The following PCDHA9 variants were observed in gnomAD, a reference collection of about 807,000 sequenced individuals.
The protein encoded by PCDHA9 is protocadherin alpha-9.
In PCDHA9, 62 loss-of-function variants were observed where a neutral mutation model predicts 62.0. The observed-to-expected ratio is 1.00, with a 90% CI of 0.81 to 1.23. The LOEUF (loss-of-function observed/expected upper bound fraction) is 1.23, where lower values mean the gene tolerates loss of function less well. PCDHA9 is among the 50% of genes most tolerant of loss of function. PCDHA9 has a pLI of 0.00. For synonymous variants in PCDHA9, 557 were observed against 567.6 expected (o/e 0.98, Z 0.27); for missense variants, 1,205 against 1,249.8 (o/e 0.96, Z 0.54).
At chr5:140,966,360 A>T (rs1169207709) in intron 1 of PCDHA9, 1 of 400,440 alleles carries the variant, frequency 2.5e-6, no homozygotes, top group Non-Finnish European at 4.4e-6. Flanking sequence ...ATGGGGCTGG[A>T]GAGGCTGAGC....
At chr5:140,906,589 C>T (rs2072764004) in intron 1 of PCDHA9, among the ~76,000 whole-genome samples, 1 of 152,220 alleles carries the variant, frequency 6.6e-6, no homozygotes, top group South Asian at 2.1e-4. Context: ...TGACTACCTT[C>T]CTCTACTACT....
At chr5:140,952,479 A>C (rs246034) in intron 1 of PCDHA9, among the ~76,000 whole-genome samples, 85,668 of 152,018 alleles carry the variant, frequency 0.56, 24,767 homozygotes, top group African/African-American at 0.69. Flanking sequence ...GGAAAGTGAC[A>C]TTTGCTCCAG....
chr5:140,966,924 C>T (rs1554228895), intron 1 of PCDHA9: 2 of 1,602,624 alleles, frequency 1.2e-6, no homozygotes, highest in Admixed American at 1.7e-5. Context: ...GAGGAGCAGG[C>T]ACCCGGCGCG....
At chr5:140,964,998 G>C (rs2095868277) in intron 1 of PCDHA9, among the ~76,000 whole-genome samples, 1 of 152,166 alleles carries the variant, frequency 6.6e-6, no homozygotes, top group Admixed American at 6.5e-5. Flanking sequence ...TTTGAATTCT[G>C]GGTGTCAGGA....
At chr5:140,947,374 T>C (rs1252253428) in intron 1 of PCDHA9, among the ~76,000 whole-genome samples, 7 of 151,768 alleles carry the variant, frequency 4.6e-5, no homozygotes, top group Admixed American at 4.6e-4. Context: ...TTGATCTATA[T>C]GTTTATCCTT....
intron 1 of PCDHA9, among the ~76,000 whole-genome samples, chr5:140,901,191 C>A (rs2153472732): frequency 6.6e-6 from 1 of 152,084 alleles, no homozygotes; most frequent in Non-Finnish European, 1.5e-5. Context: ...GTTTGCTTTT[C>A]TGTGCAGAAG....
In PCDHA9 at chr5:140,882,516, T is replaced by C. The variant is rs782263799; in HGVS notation, c.2394+31627T>C. ...CTGGAGGTAAATCTGCAGAATGGCA[T>C]TTTGTTTGTGAATTCTCGGATCGAC... is the stretch of plus-strand genomic sequence containing the variant. On this transcript the variant is annotated intron_variant, in intron 1 of 3. Coordinates refer to ENST00000532602, the MANE Select transcript of PCDHA9 (RefSeq NM_031857.2). 1.4e-5 allele frequency: 22 copies of C among 1,614,068 alleles called. No individual in the cohort carries two copies. The highest frequency in any genetic ancestry group is 4.0e-5 in the African/African-American group (3 of 74,944).
At chr5:140,927,893 A>G (rs1554205201) in intron 1 of PCDHA9, 1 of 1,614,050 alleles carries the variant, frequency 6.2e-7, no homozygotes, top group Non-Finnish European at 8.5e-7. Flanking sequence ...ACTGACGTGA[A>G]CGATCATGCC....
intron 1 of PCDHA9, chr5:140,969,314 G>T (rs200006206): frequency 6.2e-7 from 1 of 1,614,150 alleles, no homozygotes; most frequent in African/African-American, 1.3e-5. Context: ...CAAAAATGAG[G>T]CTGTTTCTCA....
In PCDHA9 at chr5:141,009,945, A is replaced by C. The variant is rs2098415489; in HGVS notation, c.*8A>C. 5.0e-6 allele frequency: 8 copies of C among 1,596,112 alleles called. No homozygotes were observed. The highest frequency in any genetic ancestry group is 6.8e-6 in the Non-Finnish European group (8 of 1,173,736). On this transcript the variant is annotated 3_prime_UTR_variant, in exon 4 of 4. Coordinates refer to ENST00000532602, the MANE Select transcript of PCDHA9 (RefSeq NM_031857.2). ...GACAACAGTGACCAGTGAGGTCCTCAAATGGAAACAAGCCACTTAGCCAGT... is the reference window on the plus strand; with the variant it reads ...GACAACAGTGACCAGTGAGGTCCTCCAATGGAAACAAGCCACTTAGCCAGT...
chr5:140,918,445 A>G (rs2078702084), intron 1 of PCDHA9, among the ~76,000 whole-genome samples: 1 of 152,144 alleles, frequency 6.6e-6, no homozygotes, highest in African/African-American at 2.4e-5. Context: ...GAGTGGTGAC[A>G]GTGGGCATCC....
At chr5:140,863,771 G>A (rs557463364) in intron 1 of PCDHA9, 111 of 240,518 alleles carry the variant, frequency 4.6e-4, no homozygotes, top group Non-Finnish European at 7.8e-4. Context: ...AGCCGAGGCG[G>A]GCGGATCACT....
At chr5:140,958,104 T>C (rs1554223331) in intron 1 of PCDHA9, among the ~76,000 whole-genome samples, 1 of 151,916 alleles carries the variant, frequency 6.6e-6, no homozygotes, top group Admixed American at 6.6e-5. Flanking sequence ...GTGTGTAGAG[T>C]GTGGTTCCAT....
intron 1 of PCDHA9, among the ~76,000 whole-genome samples, chr5:140,923,894 G>A (rs2081566819): frequency 6.6e-6 from 1 of 152,186 alleles, no homozygotes; most frequent in African/African-American, 2.4e-5. Flanking sequence ...AAGAGGAGGA[G>A]TTTCTGTGAA....
chr5:140,999,528 T>A (rs1414595805), intron 3 of PCDHA9, among the ~76,000 whole-genome samples: 1 of 152,080 alleles, frequency 6.6e-6, no homozygotes, highest in Non-Finnish European at 1.5e-5. Context: ...TGTTACCCCC[T>A]GGATATGACA....
chr5:140,869,082 T>C (rs1554162459), intron 1 of PCDHA9: 1 of 1,582,446 alleles, frequency 6.3e-7, no homozygotes, highest in East Asian at 2.2e-5. Flanking sequence ...GAAGCTTATT[T>C]TGGAAGCCAA....
At chr5:140,868,256 T>TGG (rs2050360583) in intron 1 of PCDHA9, 1 of 152,126 alleles carries the variant, frequency 6.6e-6, no homozygotes, top group Non-Finnish European at 1.5e-5. Context: ...TTTTCCTTTG[T>TGG]GGATTCTTTT....
At chr5:140,972,091 C>G (rs1169233514) in intron 1 of PCDHA9, among the ~76,000 whole-genome samples, 3 of 152,164 alleles carry the variant, frequency 2.0e-5, no homozygotes, top group African/African-American at 4.8e-5. Context: ...AGAGTAATTT[C>G]TGGCATAGAA....
rs538677309 is a variant in PCDHA9, at chr5:140,927,177, G to T, written c.2395-51772G>T. ...GCAGGGCCAAAGCTGCCTGCGTCTT[G>T]ACCTACGACCTGGTGCTCGAGGACC... On this transcript the variant is annotated intron_variant, in intron 1 of 3. Coordinates refer to ENST00000532602, the MANE Select transcript of PCDHA9 (RefSeq NM_031857.2). 78 of 1,614,148 alleles carry T rather than the reference G, an allele frequency of 4.8e-5. 3 individuals carry two copies. In the East Asian group the frequency reaches 6.7e-4, roughly 14 times the overall value.
Sources: gnomAD v4.1 joint callset for allele counts (sites outside exome capture counted in the v4.1 genomes callset) on GRCh38, gnomAD v4.1.1 for gene constraint, MANE v1.5 for transcripts, NCBI Gene and HGNC (gene_info 2026-07-23, HGNC 2026-07-21) for gene names.